The following CDH23 variants were observed in gnomAD, a reference collection of about 807,000 sequenced individuals.
The protein encoded by CDH23 is cadherin-23.
CDH23 carries 189 observed loss-of-function variants against 317.1 expected under a neutral mutation model. The ratio of observed to expected loss-of-function variants is 0.60; its 90% confidence interval spans 0.53 to 0.67. The LOEUF is 0.67. CDH23 is among the 30% of genes least tolerant of loss of function. CDH23 has a pLI of 0.00. For missense variants in CDH23, 4,401 were observed against 4,592.4 expected, an observed-to-expected ratio of 0.96 and a Z score of 1.20; for synonymous variants, 1,839 against 1,876.8, an observed-to-expected ratio of 0.98 and a Z score of 0.52.
chr10:71,741,790 A>C lies in CDH23; in HGVS notation c.4714A>C (p.Lys1572Gln), dbSNP rs1216607983. ...VLSYYITEGN[K>Q]DMAFRMDRIS... ...GTCCTACTACATCACCGAGGGCAAC[A>C]AGGACATGGCCTTCCGCATGGACCG... is the stretch of plus-strand genomic sequence containing the variant. The change falls in exon 38 of 70, where the codon AAG (lysine) becomes CAG (glutamine). Residue 1572 changes from lysine (K) to glutamine (Q), a missense_variant. Around this residue, in one of 3 missense-constraint regions of CDH23, gnomAD observed 3,068 missense variants for 3,203.3 expected, o/e 0.96. Coordinates refer to ENST00000224721, the MANE Select transcript of CDH23 (RefSeq NM_022124.6). 1.2e-6 allele frequency: 2 copies of C among 1,612,968 alleles called. No individual in the cohort carries two copies. The highest frequency in any genetic ancestry group is 4.5e-5 in the East Asian group (2 of 44,864).
In CDH23 at chr10:71,495,196, C is replaced by T. The variant is rs143348757; in HGVS notation, c.146-14886C>T. On this transcript the variant is annotated intron_variant, in intron 3 of 69. Coordinates refer to ENST00000224721, the MANE Select transcript of CDH23 (RefSeq NM_022124.6). ...TCATAAATCTTGTGATAAATTAGTGCGATATCATTCTCAACGTGATGTATT... is the reference window on the plus strand; with the variant it reads ...TCATAAATCTTGTGATAAATTAGTGTGATATCATTCTCAACGTGATGTATT... Among the ~76,000 whole-genome samples the T allele has an allele frequency of 2.1e-3, 318 of 152,220 alleles. 1 individual carries two copies. Among genetic ancestry groups the T allele is most frequent in the African/African-American group, 7.3e-3 (302 of 41,542 alleles).
chr10:71,788,856 C>T (rs1457732326), intron 44 of CDH23, 84 bp from the exon 45 acceptor site: 11 of 747,950 alleles, frequency 1.5e-5, no homozygotes, highest in Middle Eastern at 2.3e-4. Context: ...TGCCCCAATC[C>T]CCAACCTCCC....
chr10:71,716,365 G>A, intron 28 of CDH23: 1 of 1,454,728 alleles, frequency 6.9e-7, no homozygotes, highest in Non-Finnish European at 9.1e-7. Flanking sequence ...CAAGACAGAA[G>A]CTCAAAGGCA....
In CDH23 at chr10:71,751,098, G is replaced by A; in HGVS notation, c.4845+9177G>A. ...TCCCCATGTAGCATCCAGAGGGGTT[G>A]AGGGGCTGGGCTTCTGGGATGTCAC... On this transcript the variant is annotated intron_variant, in intron 38 of 69. Transcript: ENST00000224721. This position sits in a 1 kb window ranked among gnomAD's most constrained non-coding sequence, Gnocchi z 4.9. 1.1e-6 allele frequency: 1 copy of A among 898,852 alleles called. No homozygotes were observed. Among genetic ancestry groups the A allele is most frequent in the East Asian group, 2.7e-5 (1 of 36,502 alleles). The allele number at this position is 898,852 out of a possible 1,614,324, so 55.7% of individuals were successfully genotyped here.
chr10:71,713,737 C>T (rs552267420), intron 28 of CDH23: 1 of 166,692 alleles, frequency 6.0e-6, no homozygotes, highest in Non-Finnish European at 1.3e-5. Flanking sequence ...CAATTGAGAG[C>T]CCTCCCCCTC....
chr10:71,515,394 TCA>T (rs377079980), intron 6 of CDH23, among the ~76,000 whole-genome samples: 421 of 26,654 alleles, frequency 0.016, 3 homozygotes, highest in South Asian at 0.046. Flanking sequence ...TCTCTCTCTC[TCA>T]CACACACACA....
chr10:71,429,986 G>C lies in CDH23; in HGVS notation c.-5-9841G>C, dbSNP rs565170036. Among the ~76,000 whole-genome samples the C allele has an allele frequency of 1.3e-5, 2 of 152,196 alleles. 1 individual carries two copies. Among genetic ancestry groups the C allele is most frequent in the East Asian group, 3.8e-4 (2 of 5,198 alleles). On this transcript the variant is annotated intron_variant, in intron 1 of 69. Transcript: ENST00000224721. The stretch of plus-strand genomic sequence containing the variant: ...TCCAGCAGCGTTCCAAGGTGGCTTC[G>C]TAGATGAAGGGCATTTGAGCTGTAA...
intron 1 of CDH23, among the ~76,000 whole-genome samples, chr10:71,403,384 T>C (rs1847899663): frequency 8.4e-6 from 1 of 118,670 alleles, no homozygotes; most frequent in African/African-American, 4.2e-5. Context: ...TCTTTCTTTC[T>C]TTCTTTCTTT....
intron 9 of CDH23, among the ~76,000 whole-genome samples, chr10:71,582,273 A>C (rs571966227): frequency 6.6e-6 from 1 of 152,218 alleles, no homozygotes; most frequent in African/African-American, 2.4e-5. Context: ...CCATGTAGCT[A>C]CTGGGCACTT....
intron 1 of CDH23, among the ~76,000 whole-genome samples, chr10:71,432,404 TGTGTGTGTGTGA>T: frequency 1.3e-5 from 1 of 75,590 alleles, no homozygotes; most frequent in Middle Eastern, 6.8e-3. Context: ...GGTGTGTGTT[TGTGTGTGTGTGA>T]GTGTGTGGGT....
intron 32 of CDH23, chr10:71,732,664 C>T: frequency 7.2e-7 from 1 of 1,381,966 alleles, no homozygotes; most frequent in Non-Finnish European, 9.4e-7. Flanking sequence ...TCCCCGAGAT[C>T]AATATCCCTG....
chr10:71,587,308 A>G, intron 9 of CDH23, among the ~76,000 whole-genome samples: 1 of 152,216 alleles, frequency 6.6e-6, no homozygotes, highest in Non-Finnish European at 1.5e-5. Flanking sequence ...GTGGAATATT[A>G]AGATTCATTC....
chr10:71,716,680 C>T (rs1338268263), intron 28 of CDH23: 6 of 230,756 alleles, frequency 2.6e-5, no homozygotes, highest in Non-Finnish European at 4.2e-5. Flanking sequence ...AAACTTAAGA[C>T]CAACTCTGTC....
At chr10:71,676,816 C>A (rs1416202339) in intron 15 of CDH23, among the ~76,000 whole-genome samples, 1 of 152,172 alleles carries the variant, frequency 6.6e-6, no homozygotes, top group African/African-American at 2.4e-5. Context: ...ATCTTCTGGG[C>A]CTGAGACTTT....
chr10:71,726,769 G>T (rs905428362), intron 30 of CDH23, among the ~76,000 whole-genome samples: 1 of 152,250 alleles, frequency 6.6e-6, no homozygotes, highest in Non-Finnish European at 1.5e-5. Context: ...AGCGAAGCTG[G>T]GGTTGGGTCT....
intron 28 of CDH23, among the ~76,000 whole-genome samples, chr10:71,720,420 AACACACACACAC>A (rs57346519): frequency 1.4e-5 from 2 of 145,748 alleles, no homozygotes; most frequent in African/African-American, 2.6e-5. Context: ...CTCTTTCCAA[AACACACACACAC>A]ACACACACAC....
intron 9 of CDH23, among the ~76,000 whole-genome samples, chr10:71,594,875 TTA>T (rs1378558759): frequency 6.6e-6 from 1 of 152,246 alleles, no homozygotes; most frequent in Non-Finnish European, 1.5e-5. Flanking sequence ...CAGCAATTTG[TTA>T]TGGTTCAAAT....
chr10:71,811,247 G>A (rs953657323), intron 62 of CDH23, 68 bp from the exon 63 acceptor site: 27 of 1,610,990 alleles, frequency 1.7e-5, no homozygotes, highest in Non-Finnish European at 2.1e-5. Context: ...TGAGGCAGGA[G>A]CAGAGCAGAC....
chr10:71,503,828 G>A (rs1853481635), intron 3 of CDH23, among the ~76,000 whole-genome samples: 1 of 152,100 alleles, frequency 6.6e-6, no homozygotes, highest in Non-Finnish European at 1.5e-5. Context: ...TGCCGTAGAG[G>A]TGGAGTGACC....
Sources: allele counts gnomAD v4.1 joint callset (sites outside exome capture counted in the v4.1 genomes callset), GRCh38; gene constraint gnomAD v4.1.1; regional missense constraint gnomAD v4.1.1; non-coding constraint Gnocchi (gnomAD v3.1); transcripts MANE v1.5; gene names NCBI Gene and HGNC (gene_info 2026-07-23, HGNC 2026-07-21).